Variants in TXNL4A observed in about 807,000 individuals in gnomAD.
TXNL4A encodes the protein thioredoxin like 4A, also known as thioredoxin-like protein 4A.
Under a neutral mutation model 14.6 loss-of-function variants are expected in TXNL4A, and 17 were observed. That is an observed-to-expected ratio of 1.16 (90% CI 0.80 to 1.74). The LOEUF (loss-of-function observed/expected upper bound fraction) is 1.74, where lower values mean the gene tolerates loss of function less well. TXNL4A is among the 40% of genes most tolerant of loss of function. The pLI is 0.00. For synonymous variants in TXNL4A, 83 were observed against 70.6 expected (o/e 1.18, Z -0.88); for missense variants, 74 against 195.2 (o/e 0.38, Z 3.70).
At chr18:80,007,742 ATTTC>A in intron 1 of TXNL4A, among the ~76,000 whole-genome samples, 2 of 152,022 alleles carry the variant, frequency 1.3e-5, no homozygotes, top group Admixed American at 1.3e-4. Flanking sequence ...TGCCTAAATG[ATTTC>A]TTTCTAGTTC....
chr18:80,033,207 GCACGCACATGCACACATATACATGTC>G (rs2051935806), intron 1 of TXNL4A, among the ~76,000 whole-genome samples: 1 of 151,888 alleles, frequency 6.6e-6, no homozygotes, highest in Admixed American at 6.6e-5. Flanking sequence ...ATATATACGC[GCACGCACATGCACACATATACATGTC>G]CACACACATG....
At chr18:80,002,911 G>A (rs1369202147) in intron 1 of TXNL4A, among the ~76,000 whole-genome samples, 1 of 152,222 alleles carries the variant, frequency 6.6e-6, no homozygotes, top group Non-Finnish European at 1.5e-5. Context: ...ACAGGCATCG[G>A]TAGACCCTCT....
At chr18:79,984,937 T>C (rs1167888244) in intron 1 of TXNL4A, among the ~76,000 whole-genome samples, 1 of 152,136 alleles carries the variant, frequency 6.6e-6, no homozygotes, top group Non-Finnish European at 1.5e-5. Flanking sequence ...CACATGAAAT[T>C]GTCCCCTCTG....
At chr18:80,030,446 A>C (rs926968909) in intron 1 of TXNL4A, 4 of 152,230 alleles carry the variant, frequency 2.6e-5, no homozygotes, top group Non-Finnish European at 5.9e-5. Context: ...CCCATGAAAC[A>C]AACCTGTTTC....
In TXNL4A at chr18:79,973,657, A is replaced by ACATTTAT; in HGVS notation, c.*21_*27dup. 1 of 1,584,668 alleles carries ACATTTAT rather than the reference A, an allele frequency of 6.3e-7. No homozygotes were observed. On this transcript the variant is annotated 3_prime_UTR_variant, in exon 3 of 3. Coordinates refer to ENST00000269601, the MANE Select transcript of TXNL4A (RefSeq NM_006701.5). ...GTTTCCATACAAAAAGGGCTCCACG[A>ACATTTAT]CATTTATCCGCGCAGACTGAGGGCG...
intron 1 of TXNL4A, among the ~76,000 whole-genome samples, chr18:80,029,980 C>A (rs1397623323): frequency 6.6e-6 from 1 of 152,206 alleles, no homozygotes; most frequent in Non-Finnish European, 1.5e-5. Context: ...GAAAAGACAT[C>A]TAATAAAGAA....
rs1287997451 is a variant in TXNL4A at position 79,973,790 on chromosome 18, G to A, written c.324C>T (p.Asp108=). The stretch of plus-strand genomic sequence containing the variant: ...CGATGATGTCCACCATCTCCTGCTT[G>A]TCCTCCATGGCCCAGTTAATCTTGT... ...NNNKINWAME[D]KQEMVDIIET... is the part of the protein sequence containing the mutation. Residue 108 remains aspartate, a synonymous_variant, in exon 3 of 3, where the codon GAC becomes GAT. Coordinates refer to ENST00000269601, the MANE Select transcript of TXNL4A (RefSeq NM_006701.5). 6.2e-7 allele frequency: 1 copy of A among 1,614,078 alleles called. No homozygotes were observed. Among genetic ancestry groups the A allele is most frequent in the Non-Finnish European group, 8.5e-7 (1 of 1,180,024 alleles).
chr18:80,023,406 G>T (rs1361658051), intron 1 of TXNL4A, among the ~76,000 whole-genome samples: 2 of 152,194 alleles, frequency 1.3e-5, no homozygotes, highest in Admixed American at 1.3e-4. Context: ...TCCACTAGGT[G>T]GCGCCGTAGG....
intron 1 of TXNL4A, among the ~76,000 whole-genome samples, chr18:80,008,580 C>G (rs767676469): frequency 7.9e-5 from 12 of 152,062 alleles, no homozygotes; most frequent in Non-Finnish European, 1.2e-4. Flanking sequence ...TCCTCTCCCC[C>G]TTCCTGTCTT....
rs576737960 is a variant in TXNL4A, at chr18:80,006,195, C to A, written c.-61+27656G>T. Among the ~76,000 whole-genome samples the A allele has an allele frequency of 3.4e-4, 52 of 152,036 alleles. No individual in the cohort carries two copies. In the East Asian group the frequency reaches 9.9e-3, roughly 29 times the overall value. Reference sequence around the variant, plus strand: ...GGTCAGGAGTTCGAGACCAGCCTGGCCAATATGGTGAAACCTTGTCTCTAC... The same window carrying A: ...GGTCAGGAGTTCGAGACCAGCCTGGACAATATGGTGAAACCTTGTCTCTAC... On this transcript the variant is annotated intron_variant, in intron 1 of 2. Transcript: ENST00000585474.
intron 2 of TXNL4A, among the ~76,000 whole-genome samples, chr18:79,975,757 G>A (rs2051369661): frequency 6.6e-6 from 1 of 152,142 alleles, no homozygotes; most frequent in Non-Finnish European, 1.5e-5. Context: ...GGGGTCCGCA[G>A]TTATAGGAAG....
chr18:80,017,192 T>C (rs2051817145), intron 1 of TXNL4A, among the ~76,000 whole-genome samples: 1 of 151,984 alleles, frequency 6.6e-6, no homozygotes, highest in Non-Finnish European at 1.5e-5. Context: ...AGAATGCTTG[T>C]GATTTTTGTA....
chr18:80,031,732 C>A (rs2051922853), intron 1 of TXNL4A, among the ~76,000 whole-genome samples: 1 of 152,166 alleles, frequency 6.6e-6, no homozygotes, highest in South Asian at 2.1e-4. Context: ...AACGGCAGCA[C>A]AAGGGGGCAC....
chr18:79,976,147 C>T lies in TXNL4A; in HGVS notation c.257+1451G>A, dbSNP rs531214682. On this transcript the variant is annotated intron_variant, in intron 2 of 2. Coordinates refer to ENST00000269601, the MANE Select transcript of TXNL4A (RefSeq NM_006701.5). ...ACGGCAGTGCCTCACGCTTTGGCAGCCTGAGGCGGGAGGATGGCTCGAAGC... is the reference window on the plus strand; with the variant it reads ...ACGGCAGTGCCTCACGCTTTGGCAGTCTGAGGCGGGAGGATGGCTCGAAGC... Among the ~76,000 whole-genome samples the T allele has an allele frequency of 1.2e-4, 19 of 152,304 alleles. No homozygotes were observed. The East Asian group carries it at 3.5e-3, about 28-fold the overall frequency.
chr18:79,974,860 G>A (rs1363003480), intron 2 of TXNL4A, among the ~76,000 whole-genome samples: 1 of 152,188 alleles, frequency 6.6e-6, no homozygotes, highest in East Asian at 1.9e-4. Flanking sequence ...GGCCTGCAGA[G>A]TGGCTGGGCT....
At chr18:80,025,803 T>C (rs1177220121) in intron 1 of TXNL4A, among the ~76,000 whole-genome samples, 2 of 152,146 alleles carry the variant, frequency 1.3e-5, no homozygotes, top group African/African-American at 2.4e-5. Context: ...AAAAGCACAA[T>C]GGTCAGACCC....
chr18:80,031,234 A>C (rs905313715), intron 1 of TXNL4A, among the ~76,000 whole-genome samples: 12 of 152,262 alleles, frequency 7.9e-5, no homozygotes, highest in Non-Finnish European at 4.4e-5. Context: ...ACCTGTGGCC[A>C]AACAGTAGGA....
At chr18:80,013,179 GGC>G (rs1359357902) in intron 1 of TXNL4A, among the ~76,000 whole-genome samples, 5 of 148,460 alleles carry the variant, frequency 3.4e-5, no homozygotes, top group Admixed American at 6.7e-5. Flanking sequence ...GGAGCACAGT[GGC>G]GCGCGATCTT....
At chr18:79,994,531 A>G (rs1389422659) in intron 1 of TXNL4A, among the ~76,000 whole-genome samples, 1 of 151,358 alleles carries the variant, frequency 6.6e-6, no homozygotes, top group Non-Finnish European at 1.5e-5. Context: ...TATCTCTCTT[A>G]AAGCAATCCT....
Sources: gnomAD v4.1 joint callset for allele counts (sites outside exome capture counted in the v4.1 genomes callset) on GRCh38, gnomAD v4.1.1 for gene constraint, MANE v1.5 for transcripts, NCBI Gene and HGNC (gene_info 2026-07-23, HGNC 2026-07-21) for gene names.